The following COL13A1 variants were observed in gnomAD, a reference collection of about 807,000 sequenced individuals.
COL13A1 encodes collagen type XIII alpha 1 chain, also known as collagen alpha-1(XIII) chain.
Under a neutral mutation model 130.9 loss-of-function variants are expected in COL13A1, and 89 were observed. That is an observed-to-expected ratio of 0.68 (90% CI 0.57 to 0.81). The LOEUF (loss-of-function observed/expected upper bound fraction) is 0.81. COL13A1 is among the 30% of genes least tolerant of loss of function. The probability of loss-of-function intolerance (pLI) is 0.00; values close to 1 mark genes in which losing one functional copy is unlikely to be tolerated. For synonymous variants in COL13A1, 402 were observed against 341.6 expected (o/e 1.18, Z -1.95); for missense variants, 879 against 934.6 (o/e 0.94, Z 0.78).
intron 35 of COL13A1, among the ~76,000 whole-genome samples, chr10:69,942,004 G>A (rs1453102391): frequency 6.6e-6 from 1 of 152,184 alleles, no homozygotes; most frequent in Non-Finnish European, 1.5e-5. Context: ...TAGCTGGCTG[G>A]AGCCACCCTC....
chr10:69,862,012 T>C (rs1589136955), intron 2 of COL13A1, among the ~76,000 whole-genome samples: 1 of 152,276 alleles, frequency 6.6e-6, no homozygotes, highest in East Asian at 1.9e-4. Flanking sequence ...CTTTTGCCAA[T>C]TTCTGTGGTG....
chr10:69,930,197 A>G, intron 29 of COL13A1, 110 bp downstream of exon 29: 2 of 1,028,924 alleles, frequency 1.9e-6, no homozygotes, highest in Non-Finnish European at 2.7e-6. Flanking sequence ...CCAGTGGGCA[A>G]GGGAAGGGGA....
chr10:69,906,735 G>GT (rs918351186), intron 17 of COL13A1, among the ~76,000 whole-genome samples: 6 of 151,772 alleles, frequency 4.0e-5, no homozygotes, highest in African/African-American at 1.5e-4. Context: ...TTTTGTTTTT[G>GT]TTTTTGTTTT....
intron 6 of COL13A1, 31 bp downstream of exon 6, chr10:69,878,096 A>G (rs1390216870): frequency 1.4e-6 from 1 of 702,440 alleles, no homozygotes; most frequent in Admixed American, 2.0e-5. Flanking sequence ...TCTGCCCTGC[A>G]CCCAGCCTCC....
At chr10:69,938,333 G>A (rs1299278907) in intron 34 of COL13A1, among the ~76,000 whole-genome samples, 1 of 152,124 alleles carries the variant, frequency 6.6e-6, no homozygotes, top group African/African-American at 2.4e-5. Flanking sequence ...AGGGCTGATG[G>A]CCTCTTCACT....
intron 2 of COL13A1, among the ~76,000 whole-genome samples, chr10:69,848,012 T>C (rs1020648997): frequency 6.6e-6 from 1 of 152,168 alleles, no homozygotes; most frequent in Non-Finnish European, 1.5e-5. Context: ...CCCACCTCCT[T>C]CCTCTTCCCA....
intron 17 of COL13A1, among the ~76,000 whole-genome samples, chr10:69,912,242 T>C (rs751462775): frequency 6.6e-6 from 1 of 152,106 alleles, no homozygotes; most frequent in African/African-American, 2.4e-5. Flanking sequence ...CGATCTCAAA[T>C]TGAGATTATA....
chr10:69,936,782 G>T lies in COL13A1; in HGVS notation c.1797G>T (p.Lys599Asn). ...GGCTCCAAGGTGTTCCTGGACCAAA[G>T]GTAAGGAGAAGTCACATGACAGGCG... ...PPGLQGVPGP[K>N]GEAGLDGAKG... The change falls in exon 33 of 41, where the codon AAG becomes AAT. Residue 599 changes from lysine (K) to asparagine (N), a missense_variant and splice_region_variant. Physicochemically the swap from Lys to Asn is moderately conservative, Grantham distance 94. Transcript: ENST00000645393. The T allele has an allele frequency of 6.2e-7, 1 of 1,613,942 alleles. No individual in the cohort carries two copies. The highest frequency in any genetic ancestry group is 8.5e-7 in the Non-Finnish European group (1 of 1,179,854).
At chr10:69,923,063 C>G (rs2064889980) in intron 23 of COL13A1, among the ~76,000 whole-genome samples, 2 of 152,188 alleles carry the variant, frequency 1.3e-5, no homozygotes, top group African/African-American at 4.8e-5. Context: ...GTAACTGAGT[C>G]AGGGCGCAAT....
intron 17 of COL13A1, among the ~76,000 whole-genome samples, chr10:69,908,913 A>G (rs1362770142): frequency 6.6e-6 from 1 of 152,118 alleles, no homozygotes; most frequent in African/African-American, 2.4e-5. Context: ...CCAGCTCCAG[A>G]AGAGGGAGCT....
intron 10 of COL13A1, among the ~76,000 whole-genome samples, chr10:69,893,682 G>A (rs950762611): frequency 6.6e-6 from 1 of 152,246 alleles, no homozygotes; most frequent in Non-Finnish European, 1.5e-5. Flanking sequence ...ATTTGGCAGT[G>A]GAAACAGCTG....
At chr10:69,889,346 G>A in intron 9 of COL13A1, 68 bp from the exon 10 acceptor site, 3 of 1,563,210 alleles carry the variant, frequency 1.9e-6, no homozygotes, top group Non-Finnish European at 2.6e-6. Flanking sequence ...GGAGGAGCAT[G>A]AAGGACAGAG....
At chr10:69,822,508 C>T in intron 2 of COL13A1, 70 bp downstream of exon 2, 2 of 1,204,134 alleles carry the variant, frequency 1.7e-6, no homozygotes, top group Non-Finnish European at 2.3e-6. Context: ...TCCTGGTGGC[C>T]ATGCTCTAGC....
At chr10:69,942,289 C>T (rs928780234) in intron 35 of COL13A1, among the ~76,000 whole-genome samples, 2 of 152,206 alleles carry the variant, frequency 1.3e-5, no homozygotes, top group African/African-American at 4.8e-5. Context: ...ATGGAGTTCA[C>T]ACTGTAAACC....
Position 69,813,347 on chromosome 10 carries a change from G to C in COL13A1, c.295-9022G>C, listed in dbSNP as rs371277518. Among the ~76,000 whole-genome samples, 20 of 152,316 alleles carry C rather than the reference G, an allele frequency of 1.3e-4. No individual in the cohort carries two copies. In the East Asian group the frequency reaches 2.5e-3, roughly 19 times the overall value. On this transcript the variant is annotated intron_variant, in intron 1 of 40. Transcript: ENST00000645393. Reference sequence around the variant, plus strand: ...TCCTTGCGGCAGTAGCAGGGCCTTGGGTTAGCTAGAAGGAAGGACTTCGTC... The same window carrying C: ...TCCTTGCGGCAGTAGCAGGGCCTTGCGTTAGCTAGAAGGAAGGACTTCGTC...
In COL13A1 at chr10:69,937,659, A is replaced by T; in HGVS notation, c.1822A>T (p.Lys608Ter). The change falls in exon 34 of 41, where the codon AAA becomes TAA. Residue 608 changes from lysine (K) to a stop codon, truncating the protein, a stop_gained. Coordinates refer to ENST00000645393, the MANE Select transcript of COL13A1 (RefSeq NM_001368882.1). LOFTEE classifies it high-confidence loss of function. The stretch of plus-strand genomic sequence containing the variant: ...GGGGGAAGCAGGACTAGATGGAGCA[A>T]AAGGAGAGAAAGGCTTCCAGGGAGA... The part of the protein sequence containing the change: ...PKGEAGLDGA[K>*]GEKGFQGEKG... 6.3e-7 allele frequency: 1 copy of T among 1,576,078 alleles called. No homozygotes were observed. The highest frequency in any genetic ancestry group is 8.7e-7 in the Non-Finnish European group (1 of 1,145,436).
At chr10:69,895,210 C>G (rs528676583) in intron 12 of COL13A1, among the ~76,000 whole-genome samples, 1 of 152,186 alleles carries the variant, frequency 6.6e-6, no homozygotes, top group Non-Finnish European at 1.5e-5. Flanking sequence ...GGCTCCTGTT[C>G]AGGGCTGTCT....
At chr10:69,892,800 G>A (rs1308273950) in intron 10 of COL13A1, among the ~76,000 whole-genome samples, 1 of 152,172 alleles carries the variant, frequency 6.6e-6, no homozygotes, top group Non-Finnish European at 1.5e-5. Context: ...CACTCTGCTT[G>A]CTCTCTTAAG....
chr10:69,889,318 G>A lies in COL13A1; in HGVS notation c.577-96G>A. 6 of 875,428 alleles carry A rather than the reference G, an allele frequency of 6.9e-6. No homozygotes were observed. The South Asian group carries it at 1.4e-4, about 20-fold the overall frequency. 54.2% of individuals were successfully genotyped at this position (875,428 alleles called of 1,614,324 possible). A position where few individuals can be genotyped will look rare whatever the true frequency, so the allele number is the denominator to read the frequency against. On this transcript the variant is annotated intron_variant, in intron 9 of 40. Transcript: ENST00000645393. ...GACAGGGAGGAGCACGGGGGGCAGG[G>A]AGGAGCACAGGGGGCAGGGAGGAGC...
Sources: allele counts gnomAD v4.1 joint callset (sites outside exome capture counted in the v4.1 genomes callset), GRCh38; gene constraint gnomAD v4.1.1; transcripts MANE v1.5; gene names NCBI Gene and HGNC (gene_info 2026-07-23, HGNC 2026-07-21).